Variants in NDST3 observed in about 807,000 individuals in gnomAD.
The protein encoded by NDST3 is N-deacetylase and N-sulfotransferase 3.
A neutral mutation model predicts 96.1 loss-of-function variants in NDST3; 58 were observed. That is an observed-to-expected ratio of 0.60 (90% CI 0.49 to 0.75). NDST3 has a LOEUF of 0.75. Among genes scored for constraint, NDST3 ranks in the 30% least tolerant of loss-of-function variants. The pLI is 0.00. For synonymous variants in NDST3, 333 were observed against 359.7 expected, an observed-to-expected ratio of 0.93 and a Z score of 0.84; for missense variants, 788 against 1,034.2, an observed-to-expected ratio of 0.76 and a Z score of 3.27.
Position 118,114,739 on chromosome 4 carries a change from T to C in NDST3, c.1070-67T>C, listed in dbSNP as rs148369117. 3.6e-4 allele frequency: 530 copies of C among 1,489,312 alleles called. 2 individuals carry two copies. The East Asian group carries it at 8.6e-3, about 24-fold the overall frequency. The allele number at this position is 1,489,312 out of a possible 1,614,324, so 92.3% of individuals were successfully genotyped here. ...CATATACGAGAAAAGATTAAATAGA[T>C]AAGTAGATTGATTGATCATAGATCA... On this transcript the variant is annotated intron_variant, in intron 3 of 13. Coordinates refer to ENST00000296499, the MANE Select transcript of NDST3 (RefSeq NM_004784.3).
intron 6 of NDST3, among the ~76,000 whole-genome samples, chr4:118,202,351 T>C (rs946217537): frequency 1.3e-5 from 2 of 152,222 alleles, no homozygotes; most frequent in Non-Finnish European, 2.9e-5. Context: ...ATTTGTTCTG[T>C]GAAAAATGGC....
intron 10 of NDST3, among the ~76,000 whole-genome samples, chr4:118,238,163 GAAAGAA>G (rs1740778074): frequency 7.9e-5 from 3 of 37,928 alleles, no homozygotes; most frequent in African/African-American, 2.3e-4. Context: ...AGAAAAGAAA[GAAAGAA>G]AGAAAGAAAG....
At chr4:118,131,937 T>C (rs1353476524) in intron 4 of NDST3, among the ~76,000 whole-genome samples, 1 of 152,152 alleles carries the variant, frequency 6.6e-6, no homozygotes, top group Non-Finnish European at 1.5e-5. Flanking sequence ...CTGAGCTGCC[T>C]GGAACTGGGA....
At position 118,080,279 on chromosome 4, in the gene NDST3, T is replaced by C. The variant is rs191839054; in HGVS notation, c.982-24739T>C. ...CCTTTTAGATGTCCAAGTAGAGATG[T>C]GCAGGCAATAGGGTATTCGAGTCTA... On this transcript the variant is annotated intron_variant, in intron 2 of 13. Coordinates refer to ENST00000296499, the MANE Select transcript of NDST3 (RefSeq NM_004784.3). Among the ~76,000 whole-genome samples, 24 of 152,140 alleles carry C rather than the reference T, an allele frequency of 1.6e-4. No individual in the cohort carries two copies. The East Asian group carries it at 4.7e-3, about 30-fold the overall frequency.
rs1374679646 is a variant in NDST3, at chr4:118,054,088, T to C, written c.178T>C (p.Tyr60His). 3.1e-6 allele frequency: 5 copies of C among 1,612,862 alleles called. 1 individual carries two copies. The highest frequency in any genetic ancestry group is 1.7e-6 in the Non-Finnish European group (2 of 1,179,342). ...CTGTGGCGACCTCCAACACCTACCA[T>C]ATCAACTAATGGAAGTGAAAGCAAT... The part of the protein sequence containing the change: ...VDCGDLQHLP[Y>H]QLMEVKAMKL... The change falls in exon 2 of 14, where the codon TAT (tyrosine) becomes CAT (histidine). Residue 60 changes from tyrosine (Y) to histidine (H), a missense_variant. By Grantham distance (83) the Tyr-to-His change is moderately conservative. Transcript: ENST00000296499.
intron 7 of NDST3, among the ~76,000 whole-genome samples, chr4:118,226,074 A>C (rs1376166368): frequency 6.6e-6 from 1 of 152,136 alleles, no homozygotes. Context: ...AATAAGCAGA[A>C]GTCTTATTTA....
intron 12 of NDST3, 32 bp from the exon 13 acceptor site, chr4:118,253,466 TG>T: frequency 6.9e-7 from 1 of 1,444,664 alleles, no homozygotes; most frequent in Non-Finnish European, 9.6e-7. Context: ...AATGATTTTC[TG>T]GTTTTTCTGT....
intron 12 of NDST3, among the ~76,000 whole-genome samples, chr4:118,249,184 T>G (rs1741498748): frequency 2.0e-5 from 3 of 152,194 alleles, no homozygotes; most frequent in Non-Finnish European, 2.9e-5. Context: ...AAACTTTCTC[T>G]CAGAAGACTA....
At chr4:118,126,723 T>G (rs896760352) in intron 4 of NDST3, among the ~76,000 whole-genome samples, 4 of 152,008 alleles carry the variant, frequency 2.6e-5, no homozygotes, top group African/African-American at 9.7e-5. Flanking sequence ...GTGGGATTGC[T>G]GGATCATATG....
At position 118,216,132 on chromosome 4, in the gene NDST3, T is replaced by C. The variant is rs576759815; in HGVS notation, c.1540-8359T>C. ...TAAATGGAAGAACTGGCCCAAAGTC[T>C]CATATTTGCAGAGCATTGAAAGCAG... On this transcript the variant is annotated intron_variant, in intron 6 of 13. Coordinates refer to ENST00000296499, the MANE Select transcript of NDST3 (RefSeq NM_004784.3). Among the ~76,000 whole-genome samples, 11 of 152,214 alleles carry C rather than the reference T, an allele frequency of 7.2e-5. No homozygotes were observed. In the South Asian group the frequency reaches 1.7e-3, roughly 23 times the overall value.
intron 2 of NDST3, among the ~76,000 whole-genome samples, chr4:118,096,659 G>GTAGATAGATAGATAGA (rs56067967): frequency 2.0e-4 from 29 of 144,928 alleles, no homozygotes; most frequent in Non-Finnish European, 2.4e-4. Context: ...TATGGCTAGA[G>GTAGATAGATAGATAGA]TAGATAGATA....
At chr4:118,061,064 G>T (rs1578555080) in intron 2 of NDST3, among the ~76,000 whole-genome samples, 2 of 152,132 alleles carry the variant, frequency 1.3e-5, no homozygotes, top group South Asian at 4.1e-4. Context: ...ACGTAATTTT[G>T]ATCATGACCC....
intron 11 of NDST3, 83 bp downstream of exon 11, chr4:118,240,777 G>A: frequency 1.5e-6 from 2 of 1,310,134 alleles, no homozygotes; most frequent in Non-Finnish European, 1.0e-6. Context: ...ATTTTCAATT[G>A]TTAAACTATT....
chr4:118,135,042 C>T (rs1037873375), intron 4 of NDST3, among the ~76,000 whole-genome samples: 3 of 152,212 alleles, frequency 2.0e-5, no homozygotes, highest in African/African-American at 7.2e-5. Flanking sequence ...TGATAGTCTG[C>T]CTTCCGGATC....
chr4:118,101,493 T>C (rs1452999313), intron 2 of NDST3, among the ~76,000 whole-genome samples: 1 of 152,134 alleles, frequency 6.6e-6, no homozygotes, highest in Non-Finnish European at 1.5e-5. Context: ...GCACACTATG[T>C]TCCCTTCTAA....
At chr4:118,078,744 G>GAAA (rs113277466) in intron 2 of NDST3, among the ~76,000 whole-genome samples, 5 of 142,464 alleles carry the variant, frequency 3.5e-5, no homozygotes, top group Admixed American at 7.0e-5. Context: ...GCCAGACTCT[G>GAAA]AAAAAAAAAA....
intron 6 of NDST3, among the ~76,000 whole-genome samples, chr4:118,154,481 T>C (rs902364264): frequency 6.6e-5 from 10 of 152,316 alleles, no homozygotes; most frequent in Middle Eastern, 3.4e-3. Context: ...CAAATGTGAA[T>C]AGCAAGCCTA....
rs143723230 is a variant in NDST3, at chr4:118,159,755, A to C, written c.1539+16071A>C. On this transcript the variant is annotated intron_variant, in intron 6 of 13. Transcript: ENST00000296499. ...AATCAAATAGAAATCTCAGACCTGA[A>C]GAATAAAATAACTGAAGTGAAAAAA... Among the ~76,000 whole-genome samples the C allele has an allele frequency of 1.1e-4, 17 of 152,352 alleles. No individual in the cohort carries two copies. In the East Asian group the frequency reaches 3.1e-3, roughly 28 times the overall value.
chr4:118,187,765 T>C lies in NDST3; in HGVS notation c.1540-36726T>C, dbSNP rs28886020. On this transcript the variant is annotated intron_variant, in intron 6 of 13. Transcript: ENST00000296499. ...ATCCACATCAATGATGCCATCTTCT[T>C]GGGGAGAAACCTCCCTGGTTAGCTT... is the stretch of plus-strand genomic sequence containing the variant. 3.3e-5 allele frequency among the ~76,000 whole-genome samples: 5 copies of C among 152,296 alleles called. No homozygotes were observed. In the South Asian group the frequency reaches 1.0e-3, roughly 32 times the overall value.
Sources: gnomAD v4.1 joint callset for allele counts (sites outside exome capture counted in the v4.1 genomes callset) on GRCh38, gnomAD v4.1.1 for gene constraint, MANE v1.5 for transcripts, NCBI Gene and HGNC (gene_info 2026-07-23, HGNC 2026-07-21) for gene names.